The following MYOM1 variants were observed in gnomAD, a reference collection of about 807,000 sequenced individuals.
MYOM1 encodes myomesin 1, also known as myomesin-1.
In MYOM1, 164 loss-of-function variants were observed where a neutral mutation model predicts 205.3. The observed-to-expected ratio is 0.80, with a 90% CI of 0.70 to 0.91. The LOEUF (loss-of-function observed/expected upper bound fraction) is 0.91. MYOM1 is among the 40% of genes least tolerant of loss of function. The probability of loss-of-function intolerance (pLI) is 0.00; values close to 1 mark genes in which losing one functional copy is unlikely to be tolerated. For missense variants in MYOM1, 2,011 were observed against 2,127.3 expected, an observed-to-expected ratio of 0.95 and a Z score of 1.08; for synonymous variants, 772 against 789.4, an observed-to-expected ratio of 0.98 and a Z score of 0.37.
At chr18:3,070,170 A>T (rs1171543530) in intron 37 of MYOM1, among the ~76,000 whole-genome samples, 1 of 152,162 alleles carries the variant, frequency 6.6e-6, no homozygotes, top group African/African-American at 2.4e-5. Flanking sequence ...TTTTGTAGAC[A>T]GTGTCTCACT....
chr18:3,214,239 A>T (rs535446255), intron 2 of MYOM1, among the ~76,000 whole-genome samples: 12 of 152,340 alleles, frequency 7.9e-5, no homozygotes, highest in Non-Finnish European at 1.5e-4. Flanking sequence ...TTTAAATTGT[A>T]TATATCAGCT....
intron 22 of MYOM1, among the ~76,000 whole-genome samples, chr18:3,107,397 G>A (rs1477289379): frequency 2.6e-5 from 4 of 152,228 alleles, no homozygotes; most frequent in Non-Finnish European, 4.4e-5. Flanking sequence ...GATTACAGGC[G>A]TGAGCCACCG....
rs565582779 is a variant in MYOM1 at position 3,131,068 on chromosome 18, C to A, written c.2506+307G>T. ...ATACCACTTCATGGAATCGGAATGGCCCTTCACAGTCCCAGGATGAGCATG... is the reference window on the plus strand; with the variant it reads ...ATACCACTTCATGGAATCGGAATGGACCTTCACAGTCCCAGGATGAGCATG... On this transcript the variant is annotated intron_variant, in intron 17 of 37. Transcript: ENST00000356443. 4.6e-5 allele frequency among the ~76,000 whole-genome samples: 7 copies of A among 152,330 alleles called. No homozygotes were observed. In the South Asian group the frequency reaches 1.0e-3, roughly 23 times the overall value.
intron 2 of MYOM1, among the ~76,000 whole-genome samples, chr18:3,202,347 G>A (rs552799188): frequency 4.1e-5 from 6 of 146,830 alleles, no homozygotes; most frequent in Admixed American, 2.0e-4. Context: ...TTTAGCAAAC[G>A]TAAATGGAAT....
intron 10 of MYOM1, among the ~76,000 whole-genome samples, chr18:3,158,690 G>A (rs929465891): frequency 4.6e-5 from 7 of 151,792 alleles, no homozygotes; most frequent in Non-Finnish European, 8.8e-5. Context: ...CATAGTTCCC[G>A]GTGGCTTTGA....
chr18:3,156,470 A>C (rs1239732062), intron 10 of MYOM1, among the ~76,000 whole-genome samples: 2 of 152,246 alleles, frequency 1.3e-5, no homozygotes, highest in Non-Finnish European at 2.9e-5. Flanking sequence ...GTGAACCAGC[A>C]GGAAAGCATC....
chr18:3,079,156 G>C (rs780610321), intron 34 of MYOM1, 23 bp downstream of exon 34: 5 of 1,611,446 alleles, frequency 3.1e-6, no homozygotes, highest in South Asian at 1.1e-5. Flanking sequence ...GAGTAAATTT[G>C]AATCTGCAAA....
chr18:3,138,488 C>T, intron 14 of MYOM1, among the ~76,000 whole-genome samples: 1 of 152,134 alleles, frequency 6.6e-6, no homozygotes, highest in East Asian at 1.9e-4. Context: ...TTGGTTTCGT[C>T]TTCTATGAAA....
intron 19 of MYOM1, among the ~76,000 whole-genome samples, chr18:3,122,114 G>C (rs1433483551): frequency 6.6e-6 from 1 of 151,168 alleles, no homozygotes; most frequent in East Asian, 1.9e-4. Context: ...GTGAGACTTT[G>C]TCTCAAAAAA....
intron 2 of MYOM1, among the ~76,000 whole-genome samples, chr18:3,199,085 G>C (rs962644878): frequency 2.0e-5 from 3 of 152,194 alleles, no homozygotes; most frequent in African/African-American, 7.2e-5. Context: ...CGTATGAGCA[G>C]GGTGTCATTC....
intron 8 of MYOM1, 57 bp downstream of exon 8, chr18:3,173,881 T>C: frequency 1.3e-6 from 2 of 1,505,908 alleles, no homozygotes; most frequent in East Asian, 2.3e-5. Flanking sequence ...ATGGGCTAAC[T>C]TATTATGCCA....
chr18:3,141,819 T>A, intron 14 of MYOM1, 120 bp downstream of exon 14: 3 of 1,227,620 alleles, frequency 2.4e-6, no homozygotes, highest in Non-Finnish European at 3.5e-6. Context: ...AACAATCTAG[T>A]GAGATCAGGA....
intron 18 of MYOM1, among the ~76,000 whole-genome samples, chr18:3,127,306 T>TATATATATATATATATA (rs1555620546): frequency 6.6e-4 from 24 of 36,370 alleles, no homozygotes; most frequent in South Asian, 1.2e-3. Flanking sequence ...TATATATATA[T>TATATATATATATATATA]TTTTTTTTTT....
intron 13 of MYOM1, among the ~76,000 whole-genome samples, chr18:3,144,330 T>G (rs2080094062): frequency 6.7e-6 from 1 of 149,078 alleles, no homozygotes; most frequent in Non-Finnish European, 1.5e-5. Flanking sequence ...AAAAGCAAAA[T>G]AAAAAATCAT....
Position 3,066,877 on chromosome 18 carries a change from G to GAA in MYOM1, c.*383_*384dup, listed in dbSNP as rs557599365. ...GGTTCCAAGCCACGAGGCGCCCGTC[G>GAA]AAAAGCACATCACCTCTGTAACAAC... On this transcript the variant is annotated 3_prime_UTR_variant, in exon 38 of 38. Transcript: ENST00000356443. The GAA allele has an allele frequency of 1.4e-4, 25 of 181,250 alleles. No individual in the cohort carries two copies. Among genetic ancestry groups the GAA allele is most frequent in the African/African-American group, 4.9e-4 (21 of 42,654 alleles). 11.2% of individuals were successfully genotyped at this position (181,250 alleles called of 1,614,324 possible).
Position 3,156,028 on chromosome 18 carries a change from G to A in MYOM1, c.1502-940C>T, listed in dbSNP as rs188164320. Among the ~76,000 whole-genome samples, 135 of 152,298 alleles carry A rather than the reference G, an allele frequency of 8.9e-4. 1 individual carries two copies. Among genetic ancestry groups the A allele is most frequent in the Admixed American group, 8.7e-3 (133 of 15,294 alleles). Reference sequence around the variant, plus strand: ...CACTACAATCCCTTTTTATGAAATGGGATCCCCTGACCACACGGCCCCTCA... The same window carrying A: ...CACTACAATCCCTTTTTATGAAATGAGATCCCCTGACCACACGGCCCCTCA... On this transcript the variant is annotated intron_variant, in intron 10 of 37. Transcript: ENST00000356443.
chr18:3,077,129 C>G (rs778273047), intron 34 of MYOM1, among the ~76,000 whole-genome samples: 28 of 152,054 alleles, frequency 1.8e-4, no homozygotes, highest in Non-Finnish European at 2.6e-4. Flanking sequence ...CCTCTTACCT[C>G]TGCTTCTCGA....
At chr18:3,070,881 C>T (rs2078952142) in intron 37 of MYOM1, among the ~76,000 whole-genome samples, 1 of 151,800 alleles carries the variant, frequency 6.6e-6, no homozygotes, top group Non-Finnish European at 1.5e-5. Flanking sequence ...CACTCAGACT[C>T]CCGAGTAGCT....
At position 3,193,990 on chromosome 18, in the gene MYOM1, C is replaced by CA. The variant is rs200682184; in HGVS notation, c.291-33dup. The CA allele has an allele frequency of 1.7e-3, 2,778 of 1,587,508 alleles. 47 individuals are homozygous for CA. In the African/African-American group the frequency reaches 0.029, roughly 17 times the overall value. Reference sequence around the variant, plus strand: ...TAAACCACCTAACATCAGACAGTAACAAAAAAAGGCATTTACAATATTCAA... The same window carrying CA: ...TAAACCACCTAACATCAGACAGTAACAAAAAAAAGGCATTTACAATATTCAA... On this transcript the variant is annotated intron_variant, in intron 2 of 37. Coordinates refer to ENST00000356443, the MANE Select transcript of MYOM1 (RefSeq NM_003803.4).
Sources: allele counts gnomAD v4.1 joint callset (sites outside exome capture counted in the v4.1 genomes callset), GRCh38; gene constraint gnomAD v4.1.1; transcripts MANE v1.5; gene names NCBI Gene and HGNC (gene_info 2026-07-23, HGNC 2026-07-21).